The following BMPR1B variants were observed in gnomAD, a reference collection of about 807,000 sequenced individuals.
BMPR1B encodes the protein bone morphogenetic protein receptor type 1B, also known as bone morphogenetic protein receptor type-1B.
In BMPR1B, 12 loss-of-function variants were observed where a neutral mutation model predicts 59.1. The ratio of observed to expected loss-of-function variants is 0.20; its 90% CI spans 0.13 to 0.33. The LOEUF (loss-of-function observed/expected upper bound fraction) is 0.33, where lower values mean the gene tolerates loss of function less well. Ranked by LOEUF, BMPR1B falls within the 10% of genes least tolerant of loss-of-function variation. The pLI is 1.00. For missense variants in BMPR1B, 550 were observed against 610.9 expected, an observed-to-expected ratio of 0.90 and a Z score of 1.05; for synonymous variants, 237 against 207.3, an observed-to-expected ratio of 1.14 and a Z score of -1.23.
In BMPR1B at chr4:95,062,153, T is replaced by A. The variant is rs1356974093; in HGVS notation, c.-17-42255T>A. On this transcript the variant is annotated intron_variant, in intron 3 of 12. Transcript: ENST00000515059. The stretch of plus-strand genomic sequence containing the variant: ...CATGCATTCTCAGGTAGTTTTTTTT[T>A]ATAGCAGTGTAAGAACAGACTAATA... 5.9e-5 allele frequency among the ~76,000 whole-genome samples: 9 copies of A among 152,296 alleles called. No individual in the cohort carries two copies. In the South Asian group the frequency reaches 1.4e-3, roughly 25 times the overall value.
intron 2 of BMPR1B, among the ~76,000 whole-genome samples, chr4:94,930,196 T>G (rs1334216707): frequency 6.6e-6 from 1 of 152,144 alleles, no homozygotes; most frequent in Non-Finnish European, 1.5e-5. Flanking sequence ...AAAGTGACTT[T>G]TCCAAAATTC....
intron 3 of BMPR1B, among the ~76,000 whole-genome samples, chr4:95,006,661 C>T (rs71617619): frequency 0.24 from 35,957 of 151,170 alleles, 5,381 homozygotes; most frequent in African/African-American, 0.43. Flanking sequence ...CCTGCCTCAG[C>T]CTCCCCAGTA....
intron 3 of BMPR1B, among the ~76,000 whole-genome samples, chr4:95,020,365 G>T (rs183933988): frequency 6.6e-6 from 1 of 152,262 alleles, no homozygotes; most frequent in Non-Finnish European, 1.5e-5. Flanking sequence ...AGATCACGAG[G>T]TCAAAAGATC....
chr4:94,778,419 C>T (rs1316076439), intron 1 of BMPR1B, among the ~76,000 whole-genome samples: 2 of 152,054 alleles, frequency 1.3e-5, no homozygotes, highest in Non-Finnish European at 2.9e-5. Context: ...ATGTATTTCA[C>T]TTTCTTTCAT....
At chr4:95,141,398 A>C (rs1430276785) in intron 10 of BMPR1B, among the ~76,000 whole-genome samples, 1 of 152,124 alleles carries the variant, frequency 6.6e-6, no homozygotes, top group Non-Finnish European at 1.5e-5. Flanking sequence ...TCTCTGTGTA[A>C]TGGTAAGTGT....
At chr4:94,876,299 A>G (rs1285322084) in intron 2 of BMPR1B, among the ~76,000 whole-genome samples, 2 of 152,206 alleles carry the variant, frequency 1.3e-5, no homozygotes, top group Non-Finnish European at 2.9e-5. Context: ...AAGCAAATCC[A>G]TCCATTATAC....
chr4:94,777,983 G>A (rs550252612), intron 1 of BMPR1B, among the ~76,000 whole-genome samples: 7 of 151,684 alleles, frequency 4.6e-5, no homozygotes, highest in African/African-American at 9.7e-5. Context: ...TTGAGATTGC[G>A]GCATTGCACT....
intron 1 of BMPR1B, among the ~76,000 whole-genome samples, chr4:94,822,488 T>C (rs1449768681): frequency 1.3e-5 from 2 of 151,934 alleles, no homozygotes; most frequent in Non-Finnish European, 1.5e-5. Context: ...TATTGCAAAA[T>C]AGAGAATAAA....
At position 95,041,718 on chromosome 4, in the gene BMPR1B, G is replaced by C. The variant is rs531286826; in HGVS notation, c.-18+45584G>C. Reference sequence around the variant, plus strand: ...CAATGAATTCTTAACCAGTTCTCAGGGCTTTTATCTTAGGCATACACAGTA... The same window carrying C: ...CAATGAATTCTTAACCAGTTCTCAGCGCTTTTATCTTAGGCATACACAGTA... On this transcript the variant is annotated intron_variant, in intron 3 of 12. Coordinates refer to ENST00000515059, the MANE Select transcript of BMPR1B (RefSeq NM_001203.3). Among the ~76,000 whole-genome samples, 14 of 151,918 alleles carry C rather than the reference G, an allele frequency of 9.2e-5. No individual in the cohort carries two copies. In the South Asian group the frequency reaches 2.5e-3, roughly 27 times the overall value.
At chr4:94,998,639 C>G (rs1722233117) in intron 3 of BMPR1B, among the ~76,000 whole-genome samples, 5 of 152,124 alleles carry the variant, frequency 3.3e-5, no homozygotes, top group Admixed American at 1.3e-4. Context: ...TCCCAAAGTG[C>G]TGGGATTACA....
chr4:94,870,067 ATTTATC>A (rs772750085), intron 1 of BMPR1B, among the ~76,000 whole-genome samples: 4 of 152,188 alleles, frequency 2.6e-5, no homozygotes, highest in Non-Finnish European at 5.9e-5. Flanking sequence ...TTTAAGGAAA[ATTTATC>A]TTTATGTTCT....
intron 3 of BMPR1B, among the ~76,000 whole-genome samples, chr4:95,022,302 T>C (rs560132389): frequency 1.3e-5 from 2 of 152,240 alleles, no homozygotes; most frequent in African/African-American, 4.8e-5. Flanking sequence ...TGTTCGAAAA[T>C]ATCTTTTTGT....
intron 2 of BMPR1B, among the ~76,000 whole-genome samples, chr4:94,936,207 T>C (rs1384319803): frequency 6.6e-6 from 1 of 152,194 alleles, no homozygotes; most frequent in East Asian, 1.9e-4. Context: ...TCACAGAAAT[T>C]AAATCATTAA....
chr4:94,980,144 A>G (rs1317032361), intron 2 of BMPR1B, among the ~76,000 whole-genome samples: 1 of 152,232 alleles, frequency 6.6e-6, no homozygotes, highest in Admixed American at 6.5e-5. Flanking sequence ...CACTGCAATT[A>G]TTACTGTACC....
At chr4:94,981,169 TTTGGGTAGGTAAATA>T (rs1393436156) in intron 2 of BMPR1B, among the ~76,000 whole-genome samples, 2 of 151,688 alleles carry the variant, frequency 1.3e-5, no homozygotes, top group African/African-American at 4.8e-5. Context: ...AAAATATTGC[TTTGGGTAGGTAAATA>T]ATGGAATTTC....
At chr4:95,063,024 T>C (rs12152568) in intron 3 of BMPR1B, among the ~76,000 whole-genome samples, 10,271 of 152,198 alleles carry the variant, frequency 0.067, 470 homozygotes, top group Middle Eastern at 0.22. Context: ...TTTTATAAGA[T>C]ACTCTGGCAA....
At chr4:94,836,644 G>T (rs942311369) in intron 1 of BMPR1B, among the ~76,000 whole-genome samples, 1 of 146,626 alleles carries the variant, frequency 6.8e-6, no homozygotes, top group African/African-American at 2.5e-5. Context: ...GTTCATTGTA[G>T]ATTCTGGATA....
chr4:94,995,273 G>C (rs1308186830), intron 2 of BMPR1B, among the ~76,000 whole-genome samples: 2 of 151,920 alleles, frequency 1.3e-5, no homozygotes, highest in Non-Finnish European at 2.9e-5. Flanking sequence ...ATATTGTGTT[G>C]AGTTATAATT....
chr4:94,862,185 G>A (rs1726011657), intron 1 of BMPR1B, among the ~76,000 whole-genome samples: 1 of 150,960 alleles, frequency 6.6e-6, no homozygotes, highest in African/African-American at 2.4e-5. Context: ...GAGTCTTGCT[G>A]TGTCACCCAG....
Sources: allele counts gnomAD v4.1 joint callset (sites outside exome capture counted in the v4.1 genomes callset), GRCh38; gene constraint gnomAD v4.1.1; transcripts MANE v1.5; gene names NCBI Gene and HGNC (gene_info 2026-07-23, HGNC 2026-07-21).